Variants in NEK10 observed in about 807,000 individuals in gnomAD.
NEK10 encodes NIMA related kinase 10.
In NEK10, 122 loss-of-function variants were observed where a neutral mutation model predicts 159.8. The observed-to-expected ratio is 0.76, with a 90% CI of 0.66 to 0.89. NEK10 has a LOEUF of 0.89. Ranked by LOEUF, NEK10 falls within the 40% of genes least tolerant of loss-of-function variation. The pLI, the probability that NEK10 is intolerant of heterozygous loss-of-function variation, is 0.00. For missense variants in NEK10, 1,342 were observed against 1,323.1 expected (o/e 1.01, Z -0.22); for synonymous variants, 466 against 457.1 (o/e 1.02, Z -0.25).
intron 6 of NEK10, among the ~76,000 whole-genome samples, chr3:27,314,870 C>T (rs138934759): frequency 2.0e-5 from 3 of 152,182 alleles, no homozygotes; most frequent in Non-Finnish European, 4.4e-5. Context: ...AATCACACTC[C>T]GTTTCAACAA....
chr3:27,134,857 C>T (rs947815855), intron 31 of NEK10, among the ~76,000 whole-genome samples: 3 of 152,018 alleles, frequency 2.0e-5, no homozygotes, highest in Non-Finnish European at 2.9e-5. Flanking sequence ...ATATATTATA[C>T]GTAAGGACTA....
chr3:27,284,888 T>C lies in NEK10; in HGVS notation c.1863A>G (p.Glu621=), dbSNP rs2042461600. The C allele has an allele frequency of 1.3e-6, 2 of 1,596,520 alleles. No homozygotes were observed. The highest frequency in any genetic ancestry group is 1.7e-6 in the Non-Finnish European group (2 of 1,164,036). Residue 621 remains glutamate, a synonymous_variant, in exon 21 of 36, where the codon GAA becomes GAG. Coordinates refer to ENST00000691995, the MANE Select transcript of NEK10 (RefSeq NM_001394966.1). Reference sequence around the variant, plus strand: ...TTTCTTCAGTAAAATGGTGATGTTTTTCCTTCAAAGAACTGAAATGCTCTC... The same window carrying C: ...TTTCTTCAGTAAAATGGTGATGTTTCTCCTTCAAAGAACTGAAATGCTCTC... ...PLGEHFSSLK[E]KHHHFTEERL... is the part of the protein sequence containing the mutation.
At chr3:27,364,033 G>A (rs549968661) in intron 1 of NEK10, among the ~76,000 whole-genome samples, 3 of 151,846 alleles carry the variant, frequency 2.0e-5, no homozygotes, top group East Asian at 1.9e-4. Flanking sequence ...CTTTAGAACC[G>A]TCAACAACTA....
intron 29 of NEK10, among the ~76,000 whole-genome samples, chr3:27,165,966 C>T (rs1284458102): frequency 6.6e-6 from 1 of 152,168 alleles, no homozygotes; most frequent in Non-Finnish European, 1.5e-5. Flanking sequence ...TTTTCAAATA[C>T]ATTATAAGTG....
chr3:27,154,848 G>C (rs536487622), intron 30 of NEK10, among the ~76,000 whole-genome samples: 3 of 152,262 alleles, frequency 2.0e-5, no homozygotes, highest in African/African-American at 7.2e-5. Context: ...ATAATACTGA[G>C]TGGGGAAAAG....
chr3:27,193,505 C>G (rs1949293583), intron 25 of NEK10, among the ~76,000 whole-genome samples: 1 of 152,042 alleles, frequency 6.6e-6, no homozygotes. Context: ...TCCCCTCCTC[C>G]AGCAACACAT....
chr3:27,350,123 C>T (rs2047863464), intron 3 of NEK10, among the ~76,000 whole-genome samples: 1 of 152,174 alleles, frequency 6.6e-6, no homozygotes, highest in Non-Finnish European at 1.5e-5. Flanking sequence ...CAGGCCACAA[C>T]TTGTTAGCGC....
intron 23 of NEK10, among the ~76,000 whole-genome samples, chr3:27,247,442 T>C (rs967647751): frequency 2.6e-5 from 4 of 152,256 alleles, no homozygotes; most frequent in Non-Finnish European, 5.9e-5. Context: ...GATTTACATA[T>C]CCTTGCATCT....
chr3:27,241,308 A>G (rs1954538151), intron 23 of NEK10, among the ~76,000 whole-genome samples: 1 of 152,146 alleles, frequency 6.6e-6, no homozygotes, highest in African/African-American at 2.4e-5. Flanking sequence ...CTTGAAGCAG[A>G]TGTTGTAGGT....
intron 35 of NEK10, among the ~76,000 whole-genome samples, chr3:27,114,133 A>C (rs1385454931): frequency 1.3e-5 from 2 of 152,212 alleles, no homozygotes; most frequent in Non-Finnish European, 2.9e-5. Flanking sequence ...CCAAGCCTTT[A>C]TGACCTTCTT....
chr3:27,203,955 T>C (rs1165778278), intron 23 of NEK10, among the ~76,000 whole-genome samples: 1 of 152,154 alleles, frequency 6.6e-6, no homozygotes, highest in African/African-American at 2.4e-5. Context: ...GTTCTAAATG[T>C]ACAAAAAGTA....
At chr3:27,199,964 G>A (rs1949908256) in intron 25 of NEK10, among the ~76,000 whole-genome samples, 2 of 152,142 alleles carry the variant, frequency 1.3e-5, no homozygotes, top group South Asian at 4.1e-4. Context: ...ATTGGATGGT[G>A]GAGGGCAGGA....
chr3:27,160,289 A>C (rs1324119391), intron 30 of NEK10, among the ~76,000 whole-genome samples: 3 of 152,174 alleles, frequency 2.0e-5, no homozygotes, highest in Non-Finnish European at 4.4e-5. Flanking sequence ...TACTTTAGTT[A>C]AGACAGAGAT....
intron 5 of NEK10, among the ~76,000 whole-genome samples, chr3:27,342,692 G>A (rs992227152): frequency 1.3e-5 from 2 of 151,950 alleles, no homozygotes; most frequent in Non-Finnish European, 2.9e-5. Context: ...TCAACTAGTT[G>A]ATGCCAACCA....
intron 13 of NEK10, among the ~76,000 whole-genome samples, chr3:27,298,961 T>A (rs181265666): frequency 7.2e-5 from 11 of 152,282 alleles, no homozygotes; most frequent in African/African-American, 2.6e-4. Flanking sequence ...GAACACAGCA[T>A]AAAAGTTTGG....
At chr3:27,353,068 A>G (rs1314523718) in intron 1 of NEK10, 149 bp from the exon 2 acceptor site, 2 of 577,094 alleles carry the variant, frequency 3.5e-6, no homozygotes, top group Non-Finnish European at 6.1e-6. Flanking sequence ...TGTTAATATG[A>G]ATACCACTTA....
At chr3:27,257,919 G>A (rs1456148629) in intron 22 of NEK10, among the ~76,000 whole-genome samples, 5 of 151,294 alleles carry the variant, frequency 3.3e-5, no homozygotes, top group East Asian at 2.0e-4. Context: ...CTCCCAAGTC[G>A]CTGGGACTAC....
chr3:27,352,051 G>A (rs2048007322), intron 3 of NEK10, among the ~76,000 whole-genome samples: 3 of 152,096 alleles, frequency 2.0e-5, no homozygotes, highest in Non-Finnish European at 4.4e-5. Flanking sequence ...CTCAAGAGTG[G>A]CACTGTAGCA....
At chr3:27,132,062 G>C (rs544929560) in intron 31 of NEK10, 72 bp from the exon 32 acceptor site, 2 of 775,748 alleles carry the variant, frequency 2.6e-6, no homozygotes, top group Middle Eastern at 5.5e-4. Flanking sequence ...AAAAGCATTC[G>C]CTGAGGGCCC....
Sources: allele counts gnomAD v4.1 joint callset (sites outside exome capture counted in the v4.1 genomes callset), GRCh38; gene constraint gnomAD v4.1.1; transcripts MANE v1.5; gene names NCBI Gene and HGNC (gene_info 2026-07-23, HGNC 2026-07-21).